INO80D: variants seen among roughly 807,000 people sequenced by gnomAD.
INO80D encodes INO80 complex subunit D.
In INO80D, 21 loss-of-function variants were observed where a neutral mutation model predicts 87.6. The ratio of observed to expected loss-of-function variants is 0.24; its 90% CI spans 0.17 to 0.35. The LOEUF (loss-of-function observed/expected upper bound fraction) is 0.35, where lower values mean the gene tolerates loss of function less well. Ranked by LOEUF, INO80D falls within the 10% of genes least tolerant of loss-of-function variation. INO80D has a pLI of 1.00. For synonymous variants in INO80D, 440 were observed against 491.0 expected (o/e 0.90, Z 1.37); for missense variants, 982 against 1,280.7 (o/e 0.77, Z 3.56).
intron 4 of INO80D, among the ~76,000 whole-genome samples, chr2:206,051,737 G>A (rs1342372469): frequency 6.6e-6 from 1 of 152,042 alleles, no homozygotes; most frequent in Non-Finnish European, 1.5e-5. Flanking sequence ...CTGGGCTCAC[G>A]TGATCCTCCT....
chr2:206,020,526 T>C (rs949121804), intron 6 of INO80D, among the ~76,000 whole-genome samples: 3 of 152,198 alleles, frequency 2.0e-5, no homozygotes, highest in African/African-American at 7.2e-5. Flanking sequence ...CTGAGTGGCT[T>C]TTATCCTCCA....
intron 4 of INO80D, among the ~76,000 whole-genome samples, chr2:206,053,067 T>A (rs1047847494): frequency 1.3e-4 from 20 of 151,936 alleles, no homozygotes; most frequent in African/African-American, 4.6e-4. Flanking sequence ...TTAAAGAAGA[T>A]AAGCTGACAA....
At chr2:206,084,469 T>A (rs1348334131) in intron 1 of INO80D, 6 of 152,252 alleles carry the variant, frequency 3.9e-5, no homozygotes, top group Non-Finnish European at 8.8e-5. Flanking sequence ...AGACCTTGTT[T>A]CGGGAGCTGC....
intron 1 of INO80D, among the ~76,000 whole-genome samples, chr2:206,074,776 C>A (rs564281524): frequency 6.6e-6 from 1 of 152,142 alleles, no homozygotes; most frequent in South Asian, 2.1e-4. Context: ...CCAGTCTCTA[C>A]TAAAAATACA....
Position 205,997,234 on chromosome 2 carries a change from G to A in INO80D, c.*7134C>T, listed in dbSNP as rs1687824653. On this transcript the variant is annotated 3_prime_UTR_variant, in exon 11 of 11. Coordinates refer to ENST00000403263, the MANE Select transcript of INO80D (RefSeq NM_017759.5). The stretch of plus-strand genomic sequence containing the variant: ...TAACAACTTAAAACTCAAAATAAAG[G>A]GATGTATTTTTTTTTAATTCCATAT... 6.6e-6 allele frequency: 1 copy of A among 151,738 alleles called. No homozygotes were observed. The highest frequency in any genetic ancestry group is 2.1e-4 in the South Asian group (1 of 4,806). The allele number at this position is 151,738 out of a possible 1,614,324, so 9.4% of individuals were successfully genotyped here.
intron 1 of INO80D, among the ~76,000 whole-genome samples, chr2:206,080,828 G>A (rs924116909): frequency 1.3e-5 from 2 of 148,952 alleles, no homozygotes; most frequent in South Asian, 2.1e-4. Context: ...GCGTGAACCC[G>A]GGAGGTGAAG....
intron 5 of INO80D, among the ~76,000 whole-genome samples, chr2:206,032,501 G>A (rs1688795191): frequency 1.3e-5 from 2 of 152,178 alleles, no homozygotes; most frequent in Admixed American, 1.3e-4. Context: ...GGGAGCCTTT[G>A]CCTAGACACA....
At position 206,062,655 on chromosome 2, in the gene INO80D, C is replaced by T; in HGVS notation, c.218+144G>A. 1.5e-6 allele frequency: 1 copy of T among 671,876 alleles called. No individual in the cohort carries two copies. Among genetic ancestry groups the T allele is most frequent in the East Asian group, 2.9e-5 (1 of 34,742 alleles). The allele number at this position is 671,876 out of a possible 1,614,324, so 41.6% of individuals were successfully genotyped here. ...GTATTCCATAGATTACTTAGATTAC[C>T]CCCAGAATTCAACATTTATATAGGT... On this transcript the variant is annotated intron_variant, in intron 3 of 10. Transcript: ENST00000403263. The surrounding 1 kb of genome is among the most constrained non-coding windows in gnomAD (Gnocchi z 4.6).
chr2:206,063,031 C>T lies in INO80D; in HGVS notation c.-15G>A, dbSNP rs1404603007. The T allele has an allele frequency of 1.3e-6, 2 of 1,570,874 alleles. No homozygotes were observed. Among genetic ancestry groups the T allele is most frequent in the Non-Finnish European group, 1.7e-6 (2 of 1,144,552 alleles). On this transcript the variant is annotated 5_prime_UTR_variant, in exon 3 of 11. Transcript: ENST00000403263. The stretch of plus-strand genomic sequence containing the variant: ...CCTTCATACATCACGTGACTCTATT[C>T]CTTGTGAACATCAGCTAAAAGGCCA...
In INO80D at chr2:205,998,470, A is replaced by C. The variant is rs1309727743; in HGVS notation, c.*5898T>G. On this transcript the variant is annotated 3_prime_UTR_variant, in exon 11 of 11. Coordinates refer to ENST00000403263, the MANE Select transcript of INO80D (RefSeq NM_017759.5). ...TTTGTCAAAAAAAAAAAAAAAAAAA[A>C]AAGCTCATATATATTTAGCTATTAA... 6.6e-6 allele frequency: 1 copy of C among 151,550 alleles called. No homozygotes were observed. Among genetic ancestry groups the C allele is most frequent in the African/African-American group, 2.4e-5 (1 of 41,350 alleles). 9.4% of individuals were successfully genotyped at this position (151,550 alleles called of 1,614,324 possible).
At chr2:206,060,584 G>A (rs1444316861) in intron 3 of INO80D, among the ~76,000 whole-genome samples, 1 of 150,332 alleles carries the variant, frequency 6.7e-6, no homozygotes, top group Non-Finnish European at 1.5e-5. Flanking sequence ...TTTTGAGACG[G>A]AGTTTCGCTC....
At chr2:206,020,980 T>C (rs183050600) in intron 6 of INO80D, among the ~76,000 whole-genome samples, 1 of 151,682 alleles carries the variant, frequency 6.6e-6, no homozygotes, top group Admixed American at 6.6e-5. Context: ...GAGACCAGTC[T>C]GGGCAACATA....
At chr2:206,014,814 A>C (rs1314690249) in intron 8 of INO80D, among the ~76,000 whole-genome samples, 1 of 152,182 alleles carries the variant, frequency 6.6e-6, no homozygotes, top group South Asian at 2.1e-4. Flanking sequence ...GCTCAGAAGA[A>C]GACAGAAAAA....
chr2:205,994,887 AAAAGAAAG>A lies in INO80D; in HGVS notation c.*9473_*9480del, dbSNP rs926166312. The stretch of plus-strand genomic sequence containing the variant: ...ACTTGGAACTCGCAAAAAAAAAAAA[AAAAGAAAG>A]AAAGAAAGAAAGAAAAAAGAGTTTG... On this transcript the variant is annotated 3_prime_UTR_variant, in exon 11 of 11. Coordinates refer to ENST00000403263, the MANE Select transcript of INO80D (RefSeq NM_017759.5). 4.0e-5 allele frequency: 6 copies of A among 151,026 alleles called. No individual in the cohort carries two copies. The highest frequency in any genetic ancestry group is 7.3e-5 in the African/African-American group (3 of 40,868). The allele number at this position is 151,026 out of a possible 1,614,324, so 9.4% of individuals were successfully genotyped here. A position where few individuals can be genotyped will look rare whatever the true frequency, so the allele number is the denominator to read the frequency against.
chr2:206,007,427 G>A lies in INO80D; in HGVS notation c.1775C>T (p.Pro592Leu). The change falls in exon 10 of 11, where the codon CCA becomes CTA. Residue 592 changes from proline (P) to leucine (L), a missense_variant. Physicochemically the swap from Pro to Leu is moderately conservative, Grantham distance 98. Transcript: ENST00000403263. Reference protein sequence around the residue: ...EASHIRSPSTPELSADELPDD... With the variant: ...EASHIRSPSTLELSADELPDD... ...CGGCAACTCATCAGCACTCAGCTCT[G>A]GCGTGGATGGGCTCCTGGGAAAGAG... The A allele has an allele frequency of 3.7e-6, 6 of 1,609,604 alleles. No homozygotes were observed. Among genetic ancestry groups the A allele is most frequent in the Non-Finnish European group, 5.1e-6 (6 of 1,178,312 alleles).
At chr2:206,038,118 G>A (rs1395824673) in intron 5 of INO80D, among the ~76,000 whole-genome samples, 1 of 152,078 alleles carries the variant, frequency 6.6e-6, no homozygotes, top group East Asian at 1.9e-4. Flanking sequence ...ATGAGAAATT[G>A]GTTAACAGGC....
chr2:206,081,684 G>A (rs1296272982), intron 1 of INO80D, among the ~76,000 whole-genome samples: 3 of 151,104 alleles, frequency 2.0e-5, no homozygotes, highest in Non-Finnish European at 2.9e-5. Context: ...TGGAGCCCAG[G>A]AGGTTGAGGC....
intron 10 of INO80D, among the ~76,000 whole-genome samples, chr2:206,007,064 G>A (rs779035593): frequency 6.6e-6 from 1 of 152,010 alleles, no homozygotes; most frequent in Non-Finnish European, 1.5e-5. Context: ...AAAGAAACAA[G>A]TTATAAACCT....
rs1237870992 is a variant in INO80D at position 206,019,785 on chromosome 2, A to G, written c.1359T>C (p.Gly453=). The change falls in exon 7 of 11, where the codon GGT becomes GGC. Residue 453 remains glycine (G), a synonymous_variant. Transcript: ENST00000403263. ...GAAGGGCTTTGTTAGCGCACTGTTCACCCTTCACGGTTCCACTGCATGCTG... is the reference window on the plus strand; with the variant it reads ...GAAGGGCTTTGTTAGCGCACTGTTCGCCCTTCACGGTTCCACTGCATGCTG... ...EPAACSGTVK[G]EQCANKALPF... 1.9e-6 allele frequency: 3 copies of G among 1,613,832 alleles called. No homozygotes were observed. The highest frequency in any genetic ancestry group is 1.1e-5 in the South Asian group (1 of 91,034).
Sources: allele counts gnomAD v4.1 joint callset (sites outside exome capture counted in the v4.1 genomes callset), GRCh38; gene constraint gnomAD v4.1.1; non-coding constraint Gnocchi (gnomAD v3.1); transcripts MANE v1.5; gene names NCBI Gene and HGNC (gene_info 2026-07-23, HGNC 2026-07-21).